Variants in UMAD1 observed in about 807,000 individuals in gnomAD.
The protein encoded by UMAD1 is UBAP1-MVB12-associated (UMA) domain containing 1, also known as UBAP1-MVB12-associated (UMA)-domain containing protein 1.
In UMAD1, 8 loss-of-function variants were observed where a neutral mutation model predicts 6.1. The observed-to-expected ratio is 1.30, with a 90% CI of 0.76 to 2.35. UMAD1 has a LOEUF of 2.35. Ranked by LOEUF, UMAD1 falls within the 30% of genes most tolerant of loss-of-function variation. UMAD1 has a pLI of 0.00. For synonymous variants in UMAD1, 56 were observed against 31.4 expected (o/e 1.78, Z -2.61); for missense variants, 130 against 78.4 (o/e 1.66, Z -2.49).
chr7:7,870,954 A>T (rs574612152), intron 3 of UMAD1, among the ~76,000 whole-genome samples: 2 of 152,356 alleles, frequency 1.3e-5, no homozygotes, highest in African/African-American at 2.4e-5. Context: ...AAACTTAATT[A>T]TGAAAAATTT....
rs557268033 is a variant in UMAD1 at position 7,663,380 on chromosome 7, A to G, written c.-63-9929A>G. Among the ~76,000 whole-genome samples the G allele has an allele frequency of 2.8e-4, 42 of 152,180 alleles. 1 individual carries two copies. The highest frequency in any genetic ancestry group is 7.8e-4 in the Admixed American group (12 of 15,300). On this transcript the variant is annotated intron_variant, in intron 1 of 3. Coordinates refer to ENST00000682710, the MANE Select transcript of UMAD1 (RefSeq NM_001302348.2). ...AATCAATTTAATTAATTAGTTTCCA[A>G]GCTGTTCTGTGGAGCTGAAAAGTGA...
chr7:7,866,604 A>G (rs1784230425), intron 3 of UMAD1, among the ~76,000 whole-genome samples: 1 of 152,222 alleles, frequency 6.6e-6, no homozygotes, highest in Non-Finnish European at 1.5e-5. Context: ...GAATCTACAT[A>G]CATGTCTACT....
intron 3 of UMAD1, among the ~76,000 whole-genome samples, chr7:7,836,390 G>A (rs1330273979): frequency 6.6e-6 from 1 of 151,778 alleles, no homozygotes; most frequent in East Asian, 1.9e-4. Flanking sequence ...TGGTTTTCTG[G>A]CCAACCTGAT....
At chr7:7,792,386 T>G (rs1012980015) in intron 2 of UMAD1, among the ~76,000 whole-genome samples, 2 of 152,216 alleles carry the variant, frequency 1.3e-5, no homozygotes, top group East Asian at 3.8e-4. Flanking sequence ...TATTCCTCTT[T>G]TCTTCATTAT....
Position 7,824,243 on chromosome 7 carries a change from G to A in UMAD1, c.156+22500G>A, listed in dbSNP as rs760606103. Among the ~76,000 whole-genome samples the A allele has an allele frequency of 2.6e-5, 4 of 151,894 alleles. No individual in the cohort carries two copies. In the East Asian group the frequency reaches 5.8e-4, roughly 22 times the overall value. ...AGCCTCACTCCATTCCAAGTACCCC[G>A]GCTCACCTTCAGTAACTACTTATCA... is the stretch of plus-strand genomic sequence containing the variant. On this transcript the variant is annotated intron_variant, in intron 3 of 3. Transcript: ENST00000682710.
chr7:7,680,005 A>T (rs1025935247), intron 2 of UMAD1, among the ~76,000 whole-genome samples: 1 of 151,602 alleles, frequency 6.6e-6, no homozygotes, highest in African/African-American at 2.4e-5. Context: ...TTTACTGTTG[A>T]TTAATCATTT....
At chr7:7,864,280 C>T (rs530774228) in intron 3 of UMAD1, among the ~76,000 whole-genome samples, 3 of 152,070 alleles carry the variant, frequency 2.0e-5, no homozygotes, top group Non-Finnish European at 4.4e-5. Flanking sequence ...AAATAAAGAT[C>T]AAAACACTTC....
intron 2 of UMAD1, among the ~76,000 whole-genome samples, chr7:7,709,989 T>C (rs1780711752): frequency 6.6e-6 from 1 of 152,170 alleles, no homozygotes; most frequent in African/African-American, 2.4e-5. Flanking sequence ...ATTTTTCATA[T>C]GTGTAGTTTT....
At chr7:7,666,641 GC>G (rs141322113) in intron 1 of UMAD1, among the ~76,000 whole-genome samples, 2,821 of 152,084 alleles carry the variant, frequency 0.019, 85 homozygotes, top group African/African-American at 0.065. Context: ...CATGTATCTT[GC>G]TAGGTGAAGT....
At chr7:7,698,298 A>T (rs1780364771) in intron 2 of UMAD1, among the ~76,000 whole-genome samples, 1 of 152,222 alleles carries the variant, frequency 6.6e-6, no homozygotes, top group Non-Finnish European at 1.5e-5. Flanking sequence ...TTCTTGAAGT[A>T]ACTAGAGAAA....
At chr7:7,641,324 C>G (rs1361584061) in intron 1 of UMAD1, 5 of 152,132 alleles carry the variant, frequency 3.3e-5, no homozygotes, top group Non-Finnish European at 5.9e-5. Context: ...GGGGAAGAAC[C>G]ACTGGCCAGT....
chr7:7,786,752 C>T (rs1479635584), intron 2 of UMAD1, among the ~76,000 whole-genome samples: 2 of 152,184 alleles, frequency 1.3e-5, no homozygotes, highest in South Asian at 2.1e-4. Context: ...TTTCCAGATG[C>T]CTTGCTCTCA....
chr7:7,789,624 T>G (rs56120863), intron 2 of UMAD1, among the ~76,000 whole-genome samples: 11 of 147,110 alleles, frequency 7.5e-5, no homozygotes, highest in Admixed American at 2.7e-4. Context: ...CCTTCTCCCC[T>G]CCCCACAGAC....
intron 2 of UMAD1, among the ~76,000 whole-genome samples, chr7:7,728,732 T>G (rs1781191161): frequency 6.6e-6 from 1 of 152,088 alleles, no homozygotes; most frequent in Non-Finnish European, 1.5e-5. Flanking sequence ...ACTCAAGAAG[T>G]GGTATCTCTT....
chr7:7,805,087 C>T (rs1189695554), intron 3 of UMAD1, among the ~76,000 whole-genome samples: 1 of 152,170 alleles, frequency 6.6e-6, no homozygotes, highest in East Asian at 1.9e-4. Flanking sequence ...GAGTCTTATC[C>T]AGCCTCCTCG....
rs980855251 is a variant in UMAD1 at position 7,813,307 on chromosome 7, C to T, written c.156+11564C>T. ...GCAACCTCCACCTCCTGAGTTCAGG[C>T]GATTCTCCTGCCTCAACCTCCCAAG... On this transcript the variant is annotated intron_variant, in intron 3 of 3. Coordinates refer to ENST00000682710, the MANE Select transcript of UMAD1 (RefSeq NM_001302348.2). Among the ~76,000 whole-genome samples, 7 of 152,242 alleles carry T rather than the reference C, an allele frequency of 4.6e-5. No homozygotes were observed. In the South Asian group the frequency reaches 6.2e-4, roughly 14 times the overall value.
chr7:7,818,295 C>T (rs1783171815), intron 3 of UMAD1, among the ~76,000 whole-genome samples: 1 of 152,118 alleles, frequency 6.6e-6, no homozygotes, highest in South Asian at 2.1e-4. Context: ...CATCCATGTC[C>T]CTGCAAAGGA....
intron 3 of UMAD1, among the ~76,000 whole-genome samples, chr7:7,828,488 C>G (rs533202148): frequency 1.3e-5 from 2 of 152,284 alleles, no homozygotes; most frequent in African/African-American, 4.8e-5. Flanking sequence ...GAATACAGCT[C>G]TGACTCATGC....
At chr7:7,690,991 G>A (rs1780160388) in intron 2 of UMAD1, among the ~76,000 whole-genome samples, 2 of 151,998 alleles carry the variant, frequency 1.3e-5, no homozygotes, top group South Asian at 4.1e-4. Flanking sequence ...CTCCTTCTAG[G>A]TCTCCAAAGT....
Sources: allele counts gnomAD v4.1 joint callset (sites outside exome capture counted in the v4.1 genomes callset), GRCh38; gene constraint gnomAD v4.1.1; transcripts MANE v1.5; gene names NCBI Gene and HGNC (gene_info 2026-07-23, HGNC 2026-07-21).